Variants in TMEM233 observed in about 807,000 individuals in gnomAD.
TMEM233 encodes transmembrane protein 233.
In TMEM233, 6 loss-of-function variants were observed where a neutral mutation model predicts 11.2. That is an observed-to-expected ratio of 0.54 (90% confidence interval 0.29 to 1.06). The LOEUF (loss-of-function observed/expected upper bound fraction) is 1.06, where lower values mean the gene tolerates loss of function less well. Among genes scored for constraint, TMEM233 ranks in the 50% least tolerant of loss-of-function variants. The pLI is 0.08. For synonymous variants in TMEM233, 59 were observed against 55.8 expected (o/e 1.06, Z -0.26); for missense variants, 127 against 144.7 (o/e 0.88, Z 0.63).
chr12:119,628,492 CTTTTTTTTTTTTTTTT>C (rs60789807), intron 1 of TMEM233, among the ~76,000 whole-genome samples: 1 of 52,412 alleles, frequency 1.9e-5, no homozygotes, highest in Non-Finnish European at 3.3e-5. Flanking sequence ...CCAGCTCACT[CTTTTTTTTTTTTTTTT>C]TTTTTTTTTG....
intron 1 of TMEM233, among the ~76,000 whole-genome samples, chr12:119,614,414 G>GAA (rs369052187): frequency 0.013 from 1,894 of 148,900 alleles, 47 homozygotes; most frequent in African/African-American, 0.044. Context: ...ATCTCAACGA[G>GAA]AGAGAGAGAG....
intron 2 of TMEM233, among the ~76,000 whole-genome samples, chr12:119,639,906 T>C (rs1955047902): frequency 6.6e-6 from 1 of 152,152 alleles, no homozygotes; most frequent in South Asian, 2.1e-4. Context: ...AGCATGTAAA[T>C]AAGCATTGAA....
rs1433638318 is a variant in TMEM233 at position 119,594,921 on chromosome 12, C to T, written c.186+887C>T. Among the ~76,000 whole-genome samples the T allele has an allele frequency of 6.6e-6, 1 of 152,142 alleles. No homozygotes were observed. Among genetic ancestry groups the T allele is most frequent in the Non-Finnish European group, 1.5e-5 (1 of 68,020 alleles). On this transcript the variant is annotated intron_variant, in intron 1 of 2. Coordinates refer to ENST00000426426, the MANE Select transcript of TMEM233 (RefSeq NM_001136534.3). The surrounding 1 kb of genome is among the most constrained non-coding windows in gnomAD (Gnocchi z 5.6). ...TGGTGTCCCCCAGAGCTCCCAGGCG[C>T]CCCTCCACCGCTCTGTCCTGCGCCC...
chr12:119,643,125 T>C (rs985981811), downstream of TMEM233: 2 of 152,214 alleles, frequency 1.3e-5, no homozygotes, highest in African/African-American at 4.8e-5. Context: ...TTCCAGAGAT[T>C]TCCGTAACCA....
In TMEM233 at chr12:119,595,069, C is replaced by T. The variant is rs1318092307; in HGVS notation, c.186+1035C>T. On this transcript the variant is annotated intron_variant, in intron 1 of 2. Transcript: ENST00000426426. The surrounding 1 kb of genome is among the most constrained non-coding windows in gnomAD (Gnocchi z 4.3). ...TGGCCGCTGGGGCCTCTAGTCCGCC[C>T]TTCCGGAGCTCAGCTCCCTAGCCCT... 6.6e-6 allele frequency among the ~76,000 whole-genome samples: 1 copy of T among 152,228 alleles called. No homozygotes were observed. The highest frequency in any genetic ancestry group is 1.5e-5 in the Non-Finnish European group (1 of 68,038).
chr12:119,619,232 T>G (rs112696143), intron 1 of TMEM233, among the ~76,000 whole-genome samples: 2,516 of 152,286 alleles, frequency 0.017, 63 homozygotes, highest in African/African-American at 0.056. Context: ...TGCTGAACTG[T>G]GAGTCAGTTA....
intron 1 of TMEM233, among the ~76,000 whole-genome samples, chr12:119,614,898 A>G (rs571973533): frequency 6.6e-6 from 1 of 152,230 alleles, no homozygotes; most frequent in South Asian, 2.1e-4. Flanking sequence ...ATGATTCATT[A>G]TTATGACTAA....
In TMEM233 at chr12:119,595,736, C is replaced by G. The variant is rs1292975266; in HGVS notation, c.186+1702C>G. On this transcript the variant is annotated intron_variant, in intron 1 of 2. Transcript: ENST00000426426. The surrounding 1 kb of genome is among the most constrained non-coding windows in gnomAD (Gnocchi z 4.3). ...TTACTCAAATGTCACTTCATGAGGC[C>G]TTCTGTGATTACTGTTTAAAATCAG... 6.6e-6 allele frequency among the ~76,000 whole-genome samples: 1 copy of G among 152,172 alleles called. No homozygotes were observed. The highest frequency in any genetic ancestry group is 2.4e-5 in the African/African-American group (1 of 41,438).
intron 2 of TMEM233, chr12:119,631,762 T>A: frequency 1.7e-6 from 1 of 603,674 alleles, no homozygotes; most frequent in Non-Finnish European, 2.1e-6. Flanking sequence ...GCCAATTGTT[T>A]AACATTCCTG....
the TMEM233 span, among the ~76,000 whole-genome samples, chr12:119,648,126 GAGGATCAACCTA>G: frequency 2.0e-5 from 3 of 152,036 alleles, no homozygotes; most frequent in African/African-American, 7.2e-5. Flanking sequence ...GTTTCTCAGA[GAGGATCAACCTA>G]ACCCCCATCT....
At position 119,629,878 on chromosome 12, in the gene TMEM233, T is replaced by C. The variant is rs950639378; in HGVS notation, c.323+6T>C. ...GCAGTTCACTTCACAAGGAAGTAAG[T>C]AGGCTTTTTGAATCCCTCCCCATGT... On this transcript the variant is annotated splice_donor_region_variant and intron_variant, in intron 2 of 2. Coordinates refer to ENST00000426426, the MANE Select transcript of TMEM233 (RefSeq NM_001136534.3). The C allele has an allele frequency of 5.2e-6, 8 of 1,549,232 alleles. No individual in the cohort carries two copies. The highest frequency in any genetic ancestry group is 2.7e-5 in the African/African-American group (2 of 72,934).
Position 119,626,484 on chromosome 12 carries a change from A to G in TMEM233, c.187-3252A>G, listed in dbSNP as rs117389918. Among the ~76,000 whole-genome samples the G allele has an allele frequency of 1.3e-4, 15 of 112,576 alleles. 1 individual carries two copies. Among genetic ancestry groups the G allele is most frequent in the East Asian group, 2.5e-4 (1 of 4,066 alleles). The allele number at this position is 112,576 out of a possible 152,430, so 73.9% of individuals were successfully genotyped here. ...GACTCCGTCTCCGGAAAAAAAAAAA[A>G]AAGAAGAAAAAGGAGGAGGAGGAGG... On this transcript the variant is annotated intron_variant, in intron 1 of 2. Transcript: ENST00000426426.
At chr12:119,631,476 G>A in intron 2 of TMEM233, 1 of 984,960 alleles carries the variant, frequency 1.0e-6, no homozygotes, top group African/African-American at 1.7e-5. Context: ...AAAATTAAAT[G>A]GCTTTGGCCA....
intron 1 of TMEM233, among the ~76,000 whole-genome samples, chr12:119,606,375 G>A (rs1388067113): frequency 6.6e-6 from 1 of 152,002 alleles, no homozygotes; most frequent in Non-Finnish European, 1.5e-5. Context: ...CCAAATATGT[G>A]CTAGACATAA....
intron 1 of TMEM233, among the ~76,000 whole-genome samples, chr12:119,599,221 G>C (rs141288078): frequency 2.0e-5 from 3 of 152,226 alleles, no homozygotes; most frequent in South Asian, 2.1e-4. Context: ...GTGCTATTTG[G>C]TAGCACAATA....
At chr12:119,646,901 C>T (rs1209346695), downstream of TMEM233, among the ~76,000 whole-genome samples, 1 of 152,172 alleles carries the variant, frequency 6.6e-6, no homozygotes, top group East Asian at 1.9e-4. Context: ...TATCTTTTGG[C>T]GAGCATTATT....
At chr12:119,649,407 G>C in the TMEM233 span, among the ~76,000 whole-genome samples, 4 of 152,108 alleles carry the variant, frequency 2.6e-5, no homozygotes, top group Non-Finnish European at 5.9e-5. Context: ...ATGCCCCCTA[G>C]TGGAAAAAAT....
intron 1 of TMEM233, among the ~76,000 whole-genome samples, chr12:119,604,979 T>G (rs1954240042): frequency 6.9e-6 from 1 of 144,566 alleles, no homozygotes; most frequent in African/African-American, 2.6e-5. Context: ...TTTTGCTAAT[T>G]TCCTTCTTCC....
In TMEM233 at chr12:119,637,084, G is replaced by A. The variant is rs543302420; in HGVS notation, c.324-3615G>A. Among the ~76,000 whole-genome samples, 3 of 152,292 alleles carry A rather than the reference G, an allele frequency of 2.0e-5. No individual in the cohort carries two copies. The South Asian group carries it at 6.2e-4, about 32-fold the overall frequency. The stretch of plus-strand genomic sequence containing the variant: ...AGGAATAGATGTGACATCCCCATCC[G>A]TGCTCATGATCATTGAGCGGGGCGG... On this transcript the variant is annotated intron_variant, in intron 2 of 2. Coordinates refer to ENST00000426426, the MANE Select transcript of TMEM233 (RefSeq NM_001136534.3).
Sources: allele counts gnomAD v4.1 joint callset (sites outside exome capture counted in the v4.1 genomes callset), GRCh38; gene constraint gnomAD v4.1.1; non-coding constraint Gnocchi (gnomAD v3.1); transcripts MANE v1.5; gene names NCBI Gene and HGNC (gene_info 2026-07-23, HGNC 2026-07-21).